NSUN7: variants seen among roughly 807,000 people sequenced by gnomAD.
NSUN7 encodes the protein protein NSUN7.
Under a neutral mutation model 58.5 loss-of-function variants are expected in NSUN7, and 39 were observed. The ratio of observed to expected loss-of-function variants is 0.67; its 90% CI spans 0.52 to 0.87. The LOEUF (loss-of-function observed/expected upper bound fraction) is 0.87, where lower values mean the gene tolerates loss of function less well. Ranked by LOEUF, NSUN7 falls within the 40% of genes least tolerant of loss-of-function variation. The pLI is 0.00. For synonymous variants in NSUN7, 278 were observed against 303.7 expected, an observed-to-expected ratio of 0.92 and a Z score of 0.88; for missense variants, 765 against 844.1, an observed-to-expected ratio of 0.91 and a Z score of 1.16.
At position 40,775,982 on chromosome 4, in the gene NSUN7, C is replaced by A; in HGVS notation, c.826-67C>A. ...ATGAGGTACTTTCTTTTATGTAAAGCAAATAGAAGTCAGCTTATATTTCTA... is the reference window on the plus strand; with the variant it reads ...ATGAGGTACTTTCTTTTATGTAAAGAAAATAGAAGTCAGCTTATATTTCTA... On this transcript the variant is annotated intron_variant, in intron 6 of 11. Transcript: ENST00000381782. This position sits in a 1 kb window ranked among gnomAD's most constrained non-coding sequence, Gnocchi z 4.3. 9.9e-7 allele frequency: 1 copy of A among 1,005,896 alleles called. No individual in the cohort carries two copies. The highest frequency in any genetic ancestry group is 1.4e-6 in the Non-Finnish European group (1 of 691,228). 62.3% of individuals were successfully genotyped at this position (1,005,896 alleles called of 1,614,324 possible). A position where few individuals can be genotyped will look rare whatever the true frequency, so the allele number is the denominator to read the frequency against.
chr4:40,785,607 C>T (rs55991781), intron 7 of NSUN7, among the ~76,000 whole-genome samples: 2,545 of 152,132 alleles, frequency 0.017, 70 homozygotes, highest in African/African-American at 0.058. Context: ...GTGATCCACC[C>T]GCCTCGGCCT....
chr4:40,805,927 C>T (rs1743792066), intron 10 of NSUN7, among the ~76,000 whole-genome samples: 1 of 152,006 alleles, frequency 6.6e-6, no homozygotes, highest in South Asian at 2.1e-4. Flanking sequence ...TTGCAACCAC[C>T]ACCTCCTGGG....
intron 11 of NSUN7, among the ~76,000 whole-genome samples, chr4:40,807,549 C>T (rs1743861387): frequency 6.6e-6 from 1 of 151,986 alleles, no homozygotes; most frequent in African/African-American, 2.4e-5. Context: ...GGGGTTTCAC[C>T]ATCTTGGCCA....
At chr4:40,756,589 G>A (rs911251224) in intron 2 of NSUN7, among the ~76,000 whole-genome samples, 1 of 152,180 alleles carries the variant, frequency 6.6e-6, no homozygotes, top group Admixed American at 6.5e-5. Flanking sequence ...TGAAGTGCAC[G>A]TACTTTGGTG....
At chr4:40,769,553 A>G (rs1001419264) in intron 4 of NSUN7, among the ~76,000 whole-genome samples, 2 of 152,258 alleles carry the variant, frequency 1.3e-5, no homozygotes, top group Non-Finnish European at 2.9e-5. Flanking sequence ...GAACAGTTTT[A>G]GAAGACTGAA....
In NSUN7 at chr4:40,810,930, A is replaced by G. The variant is rs904635858; in HGVS notation, c.*1991A>G. The G allele has an allele frequency of 1.3e-5, 2 of 152,168 alleles. No individual in the cohort carries two copies. Among genetic ancestry groups the G allele is most frequent in the African/African-American group, 4.8e-5 (2 of 41,440 alleles). 9.4% of individuals were successfully genotyped at this position (152,168 alleles called of 1,614,324 possible). A position where few individuals can be genotyped will look rare whatever the true frequency, so the allele number is the denominator to read the frequency against. ...ATCCCTTATCCTTTTCGGGCCCTCC[A>G]CCATACCAGACTGAAAAGTATTCCA... On this transcript the variant is annotated 3_prime_UTR_variant, in exon 12 of 12. Coordinates refer to ENST00000381782, the MANE Select transcript of NSUN7 (RefSeq NM_024677.6).
chr4:40,770,781 G>A (rs540983554), intron 4 of NSUN7, among the ~76,000 whole-genome samples: 4 of 152,256 alleles, frequency 2.6e-5, no homozygotes, highest in South Asian at 4.1e-4. Context: ...GGCTGGGCAC[G>A]GTGGCTCACA....
At position 40,750,752 on chromosome 4, in the gene NSUN7, C is replaced by G. The variant is rs751883004; in HGVS notation, c.59C>G (p.Ser20Cys). The G allele has an allele frequency of 6.2e-7, 1 of 1,614,064 alleles. No individual in the cohort carries two copies. Among genetic ancestry groups the G allele is most frequent in the African/African-American group, 1.3e-5 (1 of 74,926 alleles). ...AACGAAGAAGATCCCGAGATCATCTCCCAACTCACTTCCCTGCCTCTGTCC... is the reference window on the plus strand; with the variant it reads ...AACGAAGAAGATCCCGAGATCATCTGCCAACTCACTTCCCTGCCTCTGTCC... ...FSNEEDPEII[S>C]QLTSLPLSGG... Residue 20 changes from serine to cysteine, a missense_variant, in exon 2 of 12, where the codon TCC becomes TGC. By Grantham distance (112) the Ser-to-Cys change is moderately radical. Coordinates refer to ENST00000381782, the MANE Select transcript of NSUN7 (RefSeq NM_024677.6).
intron 4 of NSUN7, among the ~76,000 whole-genome samples, chr4:40,769,497 A>T (rs1038324840): frequency 6.6e-6 from 1 of 152,226 alleles, no homozygotes; most frequent in Non-Finnish European, 1.5e-5. Flanking sequence ...TCAAACTGCA[A>T]TGCAGAAAGT....
chr4:40,786,670 A>T (rs1219146785), intron 7 of NSUN7: 2 of 1,580,990 alleles, frequency 1.3e-6, no homozygotes, highest in African/African-American at 2.7e-5. Flanking sequence ...TGATATGATC[A>T]TTAAAAGAAG....
chr4:40,780,778 CACACACACATACACATAT>C (rs1265089723), intron 7 of NSUN7, among the ~76,000 whole-genome samples: 1 of 70,526 alleles, frequency 1.4e-5, no homozygotes, highest in African/African-American at 6.6e-5. Flanking sequence ...CACACACACA[CACACACACATACACATAT>C]ATATATATAT....
intron 8 of NSUN7, among the ~76,000 whole-genome samples, chr4:40,793,337 G>A (rs569713835): frequency 6.6e-6 from 1 of 152,250 alleles, no homozygotes; most frequent in East Asian, 1.9e-4. Context: ...AGCTATTCAG[G>A]AGGCTGAGGC....
chr4:40,752,454 T>C (rs1279727189), intron 2 of NSUN7, among the ~76,000 whole-genome samples: 1 of 152,222 alleles, frequency 6.6e-6, no homozygotes, highest in Admixed American at 6.5e-5. Flanking sequence ...GGAGTCTCAC[T>C]CTGTCGCCCA....
At chr4:40,801,172 G>A (rs1178854761) in intron 10 of NSUN7, among the ~76,000 whole-genome samples, 1 of 152,102 alleles carries the variant, frequency 6.6e-6, no homozygotes, top group Non-Finnish European at 1.5e-5. Context: ...TTCCTGAGTT[G>A]TCCCTTTGTT....
chr4:40,759,215 A>G (rs1741319236), intron 2 of NSUN7, among the ~76,000 whole-genome samples: 1 of 151,694 alleles, frequency 6.6e-6, no homozygotes, highest in Non-Finnish European at 1.5e-5. Flanking sequence ...GTAGGCTGAG[A>G]CAGGAGAATC....
chr4:40,755,634 A>G (rs1458946550), intron 2 of NSUN7, among the ~76,000 whole-genome samples: 1 of 152,206 alleles, frequency 6.6e-6, no homozygotes, highest in Non-Finnish European at 1.5e-5. Flanking sequence ...AATGCTTAAC[A>G]TATGGTTTGG....
intron 4 of NSUN7, 62 bp from the exon 5 acceptor site, chr4:40,774,203 A>C: frequency 7.2e-7 from 1 of 1,385,510 alleles, no homozygotes; most frequent in Non-Finnish European, 1.0e-6. Flanking sequence ...TAGAGTTTCC[A>C]GTGGAAAATT....
Position 40,790,064 on chromosome 4 carries a change from C to CTTTTTT in NSUN7, c.1037-525_1037-520dup, listed in dbSNP as rs60071501. On this transcript the variant is annotated intron_variant, in intron 7 of 11. Coordinates refer to ENST00000381782, the MANE Select transcript of NSUN7 (RefSeq NM_024677.6). ...AGTGCTTCTGATAACCCTCCCCCAC[C>CTTTTTT]TTTTTTTTTTTTTTTTTTCTGGAGA... 1.7e-4 allele frequency among the ~76,000 whole-genome samples: 21 copies of CTTTTTT among 121,586 alleles called. 3 individuals carry two copies. Among genetic ancestry groups the CTTTTTT allele is most frequent in the Non-Finnish European group, 2.3e-4 (14 of 60,326 alleles). 79.8% of individuals were successfully genotyped at this position (121,586 alleles called of 152,430 possible).
chr4:40,803,887 T>C (rs956171032), intron 10 of NSUN7, among the ~76,000 whole-genome samples: 4 of 151,990 alleles, frequency 2.6e-5, no homozygotes, highest in Non-Finnish European at 4.4e-5. Context: ...CTGGGCAACA[T>C]AGAGAGACCC....
Sources: allele counts gnomAD v4.1 joint callset (sites outside exome capture counted in the v4.1 genomes callset), GRCh38; gene constraint gnomAD v4.1.1; non-coding constraint Gnocchi (gnomAD v3.1); transcripts MANE v1.5; gene names NCBI Gene and HGNC (gene_info 2026-07-23, HGNC 2026-07-21).